The following KIF12 variants were observed in gnomAD, a reference collection of about 807,000 sequenced individuals.
KIF12 encodes kinesin family member 12.
KIF12 carries 80 observed loss-of-function variants against 87.9 expected under a neutral mutation model. The ratio of observed to expected loss-of-function variants is 0.91; its 90% CI spans 0.76 to 1.10. The LOEUF (loss-of-function observed/expected upper bound fraction) is 1.10, where lower values mean the gene tolerates loss of function less well. KIF12 is among the 50% of genes least tolerant of loss of function. The pLI is 0.00. For missense variants in KIF12, 819 were observed against 865.3 expected, an observed-to-expected ratio of 0.95 and a Z score of 0.67; for synonymous variants, 353 against 348.5, an observed-to-expected ratio of 1.01 and a Z score of -0.14.
At chr9:114,092,475 T>C (rs2134876088) in intron 17 of KIF12, 24 bp from the exon 18 acceptor site, 1 of 1,613,444 alleles carries the variant, frequency 6.2e-7, no homozygotes, top group South Asian at 1.1e-5. Context: ...AGTTGGGAGA[T>C]GGGAGGTGAG....
At chr9:114,096,250 C>T (rs1314353127) in intron 8 of KIF12, 43 bp from the exon 9 acceptor site, 1 of 1,611,016 alleles carries the variant, frequency 6.2e-7, no homozygotes, top group Non-Finnish European at 8.5e-7. Flanking sequence ...GGGACCGTCC[C>T]CATCAAAGCC....
At position 114,096,084 on chromosome 9, in the gene KIF12, C is replaced by T; in HGVS notation, c.862G>A (p.Ala288Thr). ...AGCAGGCTTCGGTTGATGCTGTTAG[C>T]CTCAAGCATCAGCTCCCCACGGGAT... ...TGSRGELMLE[A>T]NSINRSLLAL... is the part of the protein sequence containing the mutation. The change falls in exon 9 of 19, where the codon GCT becomes ACT. Residue 288 changes from alanine (A) to threonine (T), a missense_variant. Transcript: ENST00000640217. 1.9e-6 allele frequency: 3 copies of T among 1,613,610 alleles called. No homozygotes were observed. The highest frequency in any genetic ancestry group is 1.1e-5 in the South Asian group (1 of 91,050).
At chr9:114,098,453 C>A (rs1368957601) in intron 3 of KIF12, 24 bp from the exon 4 acceptor site, 14 of 1,414,362 alleles carry the variant, frequency 9.9e-6, no homozygotes, top group African/African-American at 6.2e-5. Flanking sequence ...GGCGGAGGAG[C>A]GGGGCACTCT....
At chr9:114,098,700 C>A (rs78044961) in intron 3 of KIF12, among the ~76,000 whole-genome samples, 1 of 15,392 alleles carries the variant, frequency 6.5e-5, no homozygotes. Context: ...CTGGGGGGGG[C>A]GGGCACCTTG....
intron 5 of KIF12, 104 bp from the exon 6 acceptor site, chr9:114,097,845 C>A: frequency 7.6e-7 from 1 of 1,312,692 alleles, no homozygotes; most frequent in South Asian, 1.4e-5. Flanking sequence ...AGTTCCCAAA[C>A]AATGGCTCAT....
rs1342176038 is a variant in KIF12, at chr9:114,091,748, T to C, written c.*113A>G. ...CCCCAGTCCCCGCCCCTAGCCCAGC[T>C]GCAGGTGGAGTAGCAGCTGCTGTCT... On this transcript the variant is annotated 3_prime_UTR_variant, in exon 19 of 19. Coordinates refer to ENST00000640217, the MANE Select transcript of KIF12 (RefSeq NM_001388308.1). 3 of 1,176,288 alleles carry C rather than the reference T, an allele frequency of 2.6e-6. No individual in the cohort carries two copies. In the African/African-American group the frequency reaches 4.7e-5, roughly 18 times the overall value. 72.9% of individuals were successfully genotyped at this position (1,176,288 alleles called of 1,614,324 possible). A position where few individuals can be genotyped will look rare whatever the true frequency, so the allele number is the denominator to read the frequency against.
intron 16 of KIF12, 71 bp from the exon 17 acceptor site, chr9:114,092,713 T>C: frequency 6.6e-7 from 1 of 1,524,852 alleles, no homozygotes; most frequent in South Asian, 1.2e-5. Flanking sequence ...TACCTGGTGC[T>C]AGCCATGACA....
In KIF12 at chr9:114,096,407, G is replaced by C. The variant is rs1847232962; in HGVS notation, c.718C>G (p.Leu240Val). The change falls in exon 8 of 19, where the codon CTT (leucine) becomes GTT (valine). Residue 240 changes from leucine (L) to valine (V), a missense_variant. Physicochemically the swap from Leu to Val is conservative, Grantham distance 32 (BLOSUM62 1). Coordinates refer to ENST00000640217, the MANE Select transcript of KIF12 (RefSeq NM_001388308.1). ...ASSRSHALLT[L>V]YISRQTAQQM... ...CTCACAGTTTGACGGCTGATGTAAA[G>C]GGTGAGCAGGGCATGGCTTCGGCTG... 2 of 1,613,162 alleles carry C rather than the reference G, an allele frequency of 1.2e-6. No individual in the cohort carries two copies. The highest frequency in any genetic ancestry group is 1.7e-6 in the Non-Finnish European group (2 of 1,179,700).
At chr9:114,098,277 G>T in intron 4 of KIF12, 25 bp downstream of exon 4, 1 of 1,491,398 alleles carries the variant, frequency 6.7e-7, no homozygotes, top group Non-Finnish European at 8.9e-7. Flanking sequence ...GGCCCGGCGC[G>T]GAGCGGAGGC....
At position 114,096,032 on chromosome 9, in the gene KIF12, G is replaced by A. The variant is rs188701783; in HGVS notation, c.895+19C>T. 26 of 1,596,546 alleles carry A rather than the reference G, an allele frequency of 1.6e-5. No homozygotes were observed. Among genetic ancestry groups the A allele is most frequent in the African/African-American group, 2.7e-5 (2 of 74,684 alleles). On this transcript the variant is annotated intron_variant, in intron 9 of 18. Transcript: ENST00000640217. Reference sequence around the variant, plus strand: ...CAGAGGAGAGACAGGAAATCACACCGGTGGCCCCCAGGTCTCACCCAGGGC... The same window carrying A: ...CAGAGGAGAGACAGGAAATCACACCAGTGGCCCCCAGGTCTCACCCAGGGC...
rs777205761 is a variant in KIF12, at chr9:114,093,461, A to C, written c.1437T>G (p.Gly479=). 7.0e-6 allele frequency: 11 copies of C among 1,567,078 alleles called. No homozygotes were observed. Among genetic ancestry groups the C allele is most frequent in the Non-Finnish European group, 7.8e-6 (9 of 1,155,574 alleles). Reference sequence around the variant, plus strand: ...AGGGACACGGTGGGGTCAGGCCAGGACCCTGCTGGTGATGGTAGCAGGCAG... The same window carrying C: ...AGGGACACGGTGGGGTCAGGCCAGGCCCCTGCTGGTGATGGTAGCAGGCAG... ...LLSACYHHQQ[G]PGLTPPCPCL... The change falls in exon 15 of 19, where the codon GGT becomes GGG. Residue 479 remains glycine, a synonymous_variant. Coordinates refer to ENST00000640217, the MANE Select transcript of KIF12 (RefSeq NM_001388308.1).
chr9:114,097,510 A>G, intron 6 of KIF12, 74 bp from the exon 7 acceptor site: 40 of 1,582,336 alleles, frequency 2.5e-5, no homozygotes, highest in Non-Finnish European at 3.4e-5. Flanking sequence ...TACTGACAAC[A>G]GTCCCCACCG....
intron 3 of KIF12, 88 bp downstream of exon 3, chr9:114,098,847 C>T (rs955378056): frequency 1.4e-6 from 2 of 1,438,664 alleles, no homozygotes; most frequent in Non-Finnish European, 1.9e-6. Flanking sequence ...TCCGGGGGAG[C>T]GCGGGGCCTA....
intron 18 of KIF12, 100 bp downstream of exon 18, chr9:114,092,232 AC>A (rs1847025748): frequency 6.7e-7 from 1 of 1,481,968 alleles, no homozygotes; most frequent in Admixed American, 2.3e-5. Flanking sequence ...ACCTCTCAAC[AC>A]CCACCCCATT....
chr9:114,094,031 C>T, intron 13 of KIF12, 59 bp from the exon 14 acceptor site: 1 of 1,501,292 alleles, frequency 6.7e-7, no homozygotes, highest in Non-Finnish European at 9.3e-7. Context: ...GGGCATCAGT[C>T]AGCTCCTCCT....
rs1026918806 is a variant in KIF12, at chr9:114,091,726, C to T, written c.*135G>A. Reference sequence around the variant, plus strand: ...CCCTTGTTCCCCTAAATAGCACCCCCAGTCCCCGCCCCTAGCCCAGCTGCA... The same window carrying T: ...CCCTTGTTCCCCTAAATAGCACCCCTAGTCCCCGCCCCTAGCCCAGCTGCA... On this transcript the variant is annotated 3_prime_UTR_variant, in exon 19 of 19. Coordinates refer to ENST00000640217, the MANE Select transcript of KIF12 (RefSeq NM_001388308.1). 112 of 897,916 alleles carry T rather than the reference C, an allele frequency of 1.2e-4. No individual in the cohort carries two copies. The Middle Eastern group carries it at 1.3e-3, about 11-fold the overall frequency. 55.6% of individuals were successfully genotyped at this position (897,916 alleles called of 1,614,324 possible).
chr9:114,096,308 C>G, intron 8 of KIF12, 79 bp downstream of exon 8: 2 of 1,597,348 alleles, frequency 1.3e-6, no homozygotes, highest in Non-Finnish European at 1.7e-6. Context: ...CCATGCACAC[C>G]CAAGTTGGTT....
intron 2 of KIF12, 28 bp from the exon 3 acceptor site, chr9:114,099,041 A>G: frequency 1.3e-6 from 2 of 1,550,376 alleles, no homozygotes; most frequent in Non-Finnish European, 1.7e-6. Context: ...GGCAGATGGT[A>G]CATCCTGATG....
chr9:114,094,073 G>A, intron 13 of KIF12, 101 bp from the exon 14 acceptor site: 4 of 1,449,890 alleles, frequency 2.8e-6, no homozygotes, highest in Non-Finnish European at 3.9e-6. Context: ...CAGGAAGCAG[G>A]TGGGGACATA....
Sources: gnomAD v4.1 joint callset for allele counts (sites outside exome capture counted in the v4.1 genomes callset) on GRCh38, gnomAD v4.1.1 for gene constraint, MANE v1.5 for transcripts, NCBI Gene and HGNC (gene_info 2026-07-23, HGNC 2026-07-21) for gene names.